NOXRED1: variants seen among roughly 807,000 people sequenced by gnomAD.
NOXRED1 encodes NADP dependent oxidoreductase domain containing 1, also known as NADP-dependent oxidoreductase domain-containing protein 1.
Under a neutral mutation model 30.4 loss-of-function variants are expected in NOXRED1, and 20 were observed. The ratio of observed to expected loss-of-function variants is 0.66; its 90% CI spans 0.46 to 0.96. The LOEUF is 0.96. NOXRED1 is among the 40% of genes least tolerant of loss of function. The probability of loss-of-function intolerance (pLI) is 0.00; values close to 1 mark genes in which losing one functional copy is unlikely to be tolerated. For synonymous variants in NOXRED1, 155 were observed against 168.0 expected (o/e 0.92, Z 0.60); for missense variants, 374 against 428.0 (o/e 0.87, Z 1.11).
intron 2 of NOXRED1, among the ~76,000 whole-genome samples, chr14:77,412,551 T>G (rs764741324): frequency 2.0e-5 from 3 of 152,146 alleles, no homozygotes; most frequent in Non-Finnish European, 2.9e-5. Flanking sequence ...CTTACTCCGT[T>G]GCTGAGGCTG....
intron 1 of NOXRED1, among the ~76,000 whole-genome samples, chr14:77,418,689 C>T (rs1420887657): frequency 4.0e-5 from 6 of 151,638 alleles, no homozygotes; most frequent in Admixed American, 2.0e-4. Flanking sequence ...ACCACTATGC[C>T]CAGCTAATTG....
rs1399748785 is a variant in NOXRED1, at chr14:77,406,140, A to C, written c.683-5T>G. On this transcript the variant is annotated splice_region_variant and splice_polypyrimidine_tract_variant and intron_variant, in intron 4 of 5. Transcript: ENST00000380835. The stretch of plus-strand genomic sequence containing the variant: ...TGATATTGAGGATTATTCCCCCTAC[A>C]CATCAATGAGAAGGTAAATACCAGT... 1.9e-6 allele frequency: 3 copies of C among 1,597,202 alleles called. No homozygotes were observed. The highest frequency in any genetic ancestry group is 2.6e-6 in the Non-Finnish European group (3 of 1,165,352).
At chr14:77,409,568 C>T (rs1283385984) in intron 2 of NOXRED1, among the ~76,000 whole-genome samples, 3 of 152,156 alleles carry the variant, frequency 2.0e-5, no homozygotes, top group Non-Finnish European at 4.4e-5. Flanking sequence ...ACTAATACAA[C>T]AGGACAAAGT....
chr14:77,414,073 A>ATTAAGGGAGCCAATTGAGAGATGTCT lies in NOXRED1; in HGVS notation c.184_209dup (p.Asn70LysfsTer74). 2 of 1,608,924 alleles carry ATTAAGGGAGCCAATTGAGAGATGTCT rather than the reference A, an allele frequency of 1.2e-6. No individual in the cohort carries two copies. The highest frequency in any genetic ancestry group is 1.7e-6 in the Non-Finnish European group (2 of 1,176,608). On this transcript the variant is annotated frameshift_variant, in exon 2 of 6. Transcript: ENST00000380835. LOFTEE classifies it high-confidence loss of function. ...CCTTAAACTCTTCAGGAGTGGCTGA[A>ATTAAGGGAGCCAATTGAGAGATGTCT]TTAAGGGAGCCAATTGAGAGATGTC... is the stretch of plus-strand genomic sequence containing the variant.
At chr14:77,398,959 A>G (rs1053449596) in intron 5 of NOXRED1, among the ~76,000 whole-genome samples, 2 of 151,756 alleles carry the variant, frequency 1.3e-5, no homozygotes, top group African/African-American at 4.8e-5. Flanking sequence ...ACAGGGCAAG[A>G]CTCCGTCTCA....
chr14:77,395,105 C>CTT (rs1894144969), intron 5 of NOXRED1, among the ~76,000 whole-genome samples: 1 of 110,924 alleles, frequency 9.0e-6, no homozygotes. Flanking sequence ...TCTTTTTTTT[C>CTT]TTTCTTTTTT....
intron 5 of NOXRED1, among the ~76,000 whole-genome samples, chr14:77,403,053 C>T (rs1894369560): frequency 6.6e-6 from 1 of 151,290 alleles, no homozygotes; most frequent in African/African-American, 2.4e-5. Flanking sequence ...AAAAAGAATA[C>T]AAGGAAAATT....
rs547977830 is a variant in NOXRED1 at position 77,420,369 on chromosome 14, T to G, written c.155+2366A>C. On this transcript the variant is annotated intron_variant, in intron 1 of 5. Coordinates refer to ENST00000380835, the MANE Select transcript of NOXRED1 (RefSeq NM_001113475.3). Reference sequence around the variant, plus strand: ...TGTATTGTTTTCCTGATTTCATCAGTTTTTTTTTGTTTTGTTTTGTTTTTT... The same window carrying G: ...TGTATTGTTTTCCTGATTTCATCAGGTTTTTTTTGTTTTGTTTTGTTTTTT... Among the ~76,000 whole-genome samples the G allele has an allele frequency of 1.8e-4, 26 of 146,258 alleles. No homozygotes were observed. The South Asian group carries it at 5.9e-3, about 33-fold the overall frequency.
chr14:77,420,928 T>G (rs1242924584), intron 1 of NOXRED1, among the ~76,000 whole-genome samples: 1 of 152,188 alleles, frequency 6.6e-6, no homozygotes, highest in Non-Finnish European at 1.5e-5. Context: ...GATAATCTTT[T>G]CCTCACTTTG....
In NOXRED1 at chr14:77,394,112, A is replaced by G. The variant is rs1319538012; in HGVS notation, c.*519T>C. On this transcript the variant is annotated 3_prime_UTR_variant, in exon 6 of 6. Coordinates refer to ENST00000380835, the MANE Select transcript of NOXRED1 (RefSeq NM_001113475.3). ...TTAAATGGGAACAGCTGTAAATAAG[A>G]TAGTACCAGAACAGTCATATATAGT... is the stretch of plus-strand genomic sequence containing the variant. The G allele has an allele frequency of 6.6e-6, 1 of 152,276 alleles. No individual in the cohort carries two copies. The highest frequency in any genetic ancestry group is 1.5e-5 in the Non-Finnish European group (1 of 68,072). The allele number at this position is 152,276 out of a possible 1,614,324, so 9.4% of individuals were successfully genotyped here.
rs769670365 is a variant in NOXRED1, at chr14:77,394,710, G to A, written c.1001C>T (p.Thr334Ile). Reference sequence around the variant, plus strand: ...GCCAAATGAAGCACAGTATAGATGGGTAAGGTGGTCTTGGAGAACAGGACT... The same window carrying A: ...GCCAAATGAAGCACAGTATAGATGGATAAGGTGGTCTTGGAGAACAGGACT... ...SSSPVLQDHL[T>I]HLYCASFGIS... is the part of the protein sequence containing the mutation. The change falls in exon 6 of 6, where the codon ACC becomes ATC. Residue 334 changes from threonine (T) to isoleucine (I), a missense_variant. Thr to Ile is a moderately conservative substitution (Grantham distance 89). Coordinates refer to ENST00000380835, the MANE Select transcript of NOXRED1 (RefSeq NM_001113475.3). The A allele has an allele frequency of 1.9e-6, 3 of 1,613,070 alleles. No homozygotes were observed. The highest frequency in any genetic ancestry group is 2.2e-5 in the South Asian group (2 of 91,056).
At chr14:77,413,209 T>C (rs1450880770) in intron 2 of NOXRED1, among the ~76,000 whole-genome samples, 1 of 152,042 alleles carries the variant, frequency 6.6e-6, no homozygotes, top group Non-Finnish European at 1.5e-5. Flanking sequence ...TGTTCTGATT[T>C]CTATCACCAT....
chr14:77,410,120 A>G (rs1230221489), intron 2 of NOXRED1, among the ~76,000 whole-genome samples: 1 of 150,134 alleles, frequency 6.7e-6, no homozygotes, highest in Non-Finnish European at 1.5e-5. Flanking sequence ...TTTTTTTTTT[A>G]GTTTCCTTAG....
At chr14:77,400,605 C>G (rs1894300762) in intron 5 of NOXRED1, among the ~76,000 whole-genome samples, 2 of 152,172 alleles carry the variant, frequency 1.3e-5, no homozygotes, top group Admixed American at 6.5e-5. Flanking sequence ...AGATAAGAGA[C>G]AAACGGTTTT....
intron 5 of NOXRED1, among the ~76,000 whole-genome samples, chr14:77,401,612 GGGA>G (rs1420164781): frequency 4.6e-5 from 7 of 152,102 alleles, no homozygotes; most frequent in Non-Finnish European, 1.0e-4. Context: ...AAGCTGAAGT[GGGA>G]GGATTGCTTG....
At chr14:77,396,954 A>G (rs746148312) in intron 5 of NOXRED1, among the ~76,000 whole-genome samples, 1 of 152,248 alleles carries the variant, frequency 6.6e-6, no homozygotes, top group Non-Finnish European at 1.5e-5. Flanking sequence ...TGCTAGTGAT[A>G]ATATAAACTG....
intron 5 of NOXRED1, among the ~76,000 whole-genome samples, chr14:77,402,343 G>A (rs185992673): frequency 2.3e-4 from 35 of 152,338 alleles, no homozygotes; most frequent in African/African-American, 7.7e-4. Flanking sequence ...TCAACAATAG[G>A]AGCCGGGCGC....
chr14:77,405,356 C>T lies in NOXRED1; in HGVS notation c.905+557G>A, dbSNP rs112737345. Among the ~76,000 whole-genome samples, 1,222 of 152,312 alleles carry T rather than the reference C, an allele frequency of 8.0e-3. 10 individuals carry two copies. The highest frequency in any genetic ancestry group is 0.023 in the African/African-American group (965 of 41,570). On this transcript the variant is annotated intron_variant, in intron 5 of 5. Coordinates refer to ENST00000380835, the MANE Select transcript of NOXRED1 (RefSeq NM_001113475.3). The stretch of plus-strand genomic sequence containing the variant: ...GTTGCAGTGAGCCGAGATCGTGCCA[C>T]TGCACTCCAGCCTGGGTGACAGAGC...
At position 77,422,985 on chromosome 14, in the gene NOXRED1, G is replaced by T; in HGVS notation, c.-96C>A. On this transcript the variant is annotated 5_prime_UTR_variant, in exon 1 of 6. Transcript: ENST00000380835. ...CTATGTAGGAGGTGTGTGTATGATG[G>T]TGTGTGTGCCCAGGTCACAAGCACT... 2 of 998,892 alleles carry T rather than the reference G, an allele frequency of 2.0e-6. No individual in the cohort carries two copies. Among genetic ancestry groups the T allele is most frequent in the Non-Finnish European group, 1.5e-6 (1 of 662,288 alleles). 61.9% of individuals were successfully genotyped at this position (998,892 alleles called of 1,614,324 possible). A position where few individuals can be genotyped will look rare whatever the true frequency, so the allele number is the denominator to read the frequency against.
Sources: gnomAD v4.1 joint callset for allele counts (sites outside exome capture counted in the v4.1 genomes callset) on GRCh38, gnomAD v4.1.1 for gene constraint, MANE v1.5 for transcripts, NCBI Gene and HGNC (gene_info 2026-07-23, HGNC 2026-07-21) for gene names.